The following ST6GAL1 variants were observed in gnomAD, a reference collection of about 807,000 sequenced individuals.
ST6GAL1 encodes the protein beta-galactoside alpha-2,6-sialyltransferase 1.
ST6GAL1 carries 20 observed loss-of-function variants against 38.0 expected under a neutral mutation model. That is an observed-to-expected ratio of 0.53 (90% CI 0.37 to 0.77). The LOEUF (loss-of-function observed/expected upper bound fraction) is 0.77. Among genes scored for constraint, ST6GAL1 ranks in the 30% least tolerant of loss-of-function variants. The pLI is 0.00. For missense variants in ST6GAL1, 432 were observed against 496.4 expected (o/e 0.87, Z 1.23); for synonymous variants, 196 against 188.2 (o/e 1.04, Z -0.34).
intron 2 of ST6GAL1, among the ~76,000 whole-genome samples, chr3:186,971,270 T>C (rs1314854066): frequency 6.6e-6 from 1 of 152,238 alleles, no homozygotes; most frequent in East Asian, 1.9e-4. Context: ...TTTGTATCTT[T>C]AGTAGAGACG....
At chr3:187,053,672 A>AC (rs1318293890) in intron 5 of ST6GAL1, among the ~76,000 whole-genome samples, 3 of 152,186 alleles carry the variant, frequency 2.0e-5, no homozygotes, top group Non-Finnish European at 4.4e-5. Flanking sequence ...CTGTTTTGGT[A>AC]CCAGTACCAT....
chr3:186,994,631 T>C (rs1716301131), intron 2 of ST6GAL1, among the ~76,000 whole-genome samples: 1 of 152,222 alleles, frequency 6.6e-6, no homozygotes, highest in African/African-American at 2.4e-5. Flanking sequence ...TTGCTGTAGA[T>C]ATTTCAGTAT....
intron 5 of ST6GAL1, among the ~76,000 whole-genome samples, chr3:187,065,691 A>G (rs1719078978): frequency 6.6e-6 from 1 of 152,162 alleles, no homozygotes; most frequent in Non-Finnish European, 1.5e-5. Flanking sequence ...CTGGAGAGAG[A>G]AGACCTACTT....
intron 2 of ST6GAL1, among the ~76,000 whole-genome samples, chr3:187,013,956 A>T (rs1207170761): frequency 6.6e-6 from 1 of 151,952 alleles, no homozygotes; most frequent in East Asian, 1.9e-4. Flanking sequence ...GATTCATGAC[A>T]CTCCGGAAAA....
At chr3:187,007,225 G>A (rs546682001) in intron 2 of ST6GAL1, among the ~76,000 whole-genome samples, 2 of 152,286 alleles carry the variant, frequency 1.3e-5, no homozygotes, top group Non-Finnish European at 2.9e-5. Flanking sequence ...AAGCAGGGGG[G>A]AAAAGCCACT....
At chr3:187,043,423 C>T in intron 4 of ST6GAL1, 113 bp downstream of exon 4, 3 of 1,446,962 alleles carry the variant, frequency 2.1e-6, no homozygotes, top group South Asian at 1.4e-5. Context: ...GTGGAGTGGG[C>T]CCAGGGCAGT....
chr3:187,068,917 C>T (rs902033899), intron 5 of ST6GAL1, among the ~76,000 whole-genome samples: 2 of 152,180 alleles, frequency 1.3e-5, no homozygotes, highest in Admixed American at 1.3e-4. Flanking sequence ...TCAGGCCTCC[C>T]TGTCACCAGC....
intron 2 of ST6GAL1, among the ~76,000 whole-genome samples, chr3:186,972,121 A>G (rs1312326099): frequency 1.3e-5 from 2 of 152,202 alleles, no homozygotes; most frequent in South Asian, 2.1e-4. Flanking sequence ...TTATAACTCC[A>G]TTTTATAAAT....
At chr3:187,018,585 G>GGC (rs1717194109) in intron 2 of ST6GAL1, among the ~76,000 whole-genome samples, 1 of 152,154 alleles carries the variant, frequency 6.6e-6, no homozygotes, top group Non-Finnish European at 1.5e-5. Flanking sequence ...AGGAAGTCTA[G>GGC]TCTATTCACA....
intron 2 of ST6GAL1, among the ~76,000 whole-genome samples, chr3:187,010,280 GTTAC>G (rs983746757): frequency 6.6e-6 from 1 of 152,130 alleles, no homozygotes; most frequent in East Asian, 1.9e-4. Context: ...TTTTCCATGA[GTTAC>G]TTAAAAGTGA....
intron 2 of ST6GAL1, among the ~76,000 whole-genome samples, chr3:187,036,341 G>C (rs946266939): frequency 6.6e-6 from 1 of 152,182 alleles, no homozygotes; most frequent in African/African-American, 2.4e-5. Flanking sequence ...GCAATTTGGA[G>C]ATTTCTCAGA....
chr3:186,964,166 T>C (rs1334718002), intron 2 of ST6GAL1: 1 of 152,214 alleles, frequency 6.6e-6, no homozygotes, highest in Non-Finnish European at 1.5e-5. Flanking sequence ...CAGTTGCTGG[T>C]GAAATTTGAA....
intron 2 of ST6GAL1, among the ~76,000 whole-genome samples, chr3:186,993,253 A>C (rs1341431267): frequency 6.6e-6 from 1 of 152,230 alleles, no homozygotes; most frequent in African/African-American, 2.4e-5. Flanking sequence ...CCTTGGGCTG[A>C]GCACATGCTT....
At position 187,075,974 on chromosome 3, in the gene ST6GAL1, A is replaced by C. The variant is rs1173623893; in HGVS notation, c.*171A>C. On this transcript the variant is annotated 3_prime_UTR_variant, in exon 8 of 8. Transcript: ENST00000169298. This position sits in a 1 kb window ranked among gnomAD's most constrained non-coding sequence, Gnocchi z 4.1. ...AGCCTGTGGTCAGGAAATCAGGTCC[A>C]GCCTTCCCTGTAGCCAGACAGTTTA... is the stretch of plus-strand genomic sequence containing the variant. 3 of 993,798 alleles carry C rather than the reference A, an allele frequency of 3.0e-6. No homozygotes were observed. The highest frequency in any genetic ancestry group is 4.3e-6 in the Non-Finnish European group (3 of 697,450). 61.6% of individuals were successfully genotyped at this position (993,798 alleles called of 1,614,324 possible).
At chr3:187,001,693 C>T (rs1716622251) in intron 2 of ST6GAL1, among the ~76,000 whole-genome samples, 1 of 152,202 alleles carries the variant, frequency 6.6e-6, no homozygotes, top group South Asian at 2.1e-4. Flanking sequence ...CTCAGTGGCT[C>T]ACTCCTGTAA....
chr3:187,065,307 C>G (rs2108597640), intron 5 of ST6GAL1, among the ~76,000 whole-genome samples: 1 of 152,304 alleles, frequency 6.6e-6, no homozygotes, highest in South Asian at 2.1e-4. Context: ...GCTTTAGCAG[C>G]TCTCTTCTAA....
chr3:187,017,480 G>A (rs1717154449), intron 2 of ST6GAL1, among the ~76,000 whole-genome samples: 1 of 152,096 alleles, frequency 6.6e-6, no homozygotes, highest in Admixed American at 6.5e-5. Flanking sequence ...GTGAGATTAG[G>A]GGTGGGAGGG....
intron 1 of ST6GAL1, among the ~76,000 whole-genome samples, chr3:186,945,803 A>G (rs1019699315): frequency 2.7e-5 from 4 of 149,826 alleles, no homozygotes; most frequent in Admixed American, 6.7e-5. Context: ...TGGCTAACAC[A>G]GTGAAACCCT....
chr3:187,051,022 A>G (rs896828981), intron 4 of ST6GAL1, among the ~76,000 whole-genome samples: 1 of 152,212 alleles, frequency 6.6e-6, no homozygotes, highest in African/African-American at 2.4e-5. Flanking sequence ...GGAATGCCAC[A>G]GTATGGCCCC....
Sources: allele counts gnomAD v4.1 joint callset (sites outside exome capture counted in the v4.1 genomes callset), GRCh38; gene constraint gnomAD v4.1.1; non-coding constraint Gnocchi (gnomAD v3.1); transcripts MANE v1.5; gene names NCBI Gene and HGNC (gene_info 2026-07-23, HGNC 2026-07-21).